COL4A5: variants seen among roughly 807,000 people sequenced by gnomAD.
COL4A5 encodes collagen alpha-5(IV) chain.
Under a neutral mutation model 130.2 loss-of-function variants are expected in COL4A5, and 26 were observed. The observed-to-expected ratio is 0.20, with a 90% CI of 0.15 to 0.28. The LOEUF is 0.28. Among genes scored for constraint, COL4A5 ranks in the 10% least tolerant of loss-of-function variants. The pLI, the probability that COL4A5 is intolerant of heterozygous loss-of-function variation, is 1.00. For missense variants in COL4A5, 1,131 were observed against 1,344.3 expected, an observed-to-expected ratio of 0.84 and a Z score of 2.48; for synonymous variants, 496 against 439.6, an observed-to-expected ratio of 1.13 and a Z score of -1.60.
chrX:108,543,912 C>A (rs1401501331), intron 2 of COL4A5, among the ~76,000 whole-genome samples: 1 of 111,669 alleles, frequency 9.0e-6, no homozygotes, highest in East Asian at 2.8e-4. Flanking sequence ...CTCTGTTTGT[C>A]TGTTACTGGT....
chrX:108,459,502 G>A (rs1603247236), intron 1 of COL4A5, among the ~76,000 whole-genome samples: 1 of 112,163 alleles, frequency 8.9e-6, no homozygotes, highest in African/African-American at 3.2e-5. Context: ...TCAGTTTTTT[G>A]ATATTTATAA....
intron 36 of COL4A5, chrX:108,626,935 A>G: frequency 6.6e-6 from 5 of 754,457 alleles, no homozygotes; most frequent in Non-Finnish European, 6.3e-6. Context: ...GTAACTCCTT[A>G]ATCATGTAGT....
chrX:108,632,090 T>C (rs1322206724), intron 36 of COL4A5, among the ~76,000 whole-genome samples: 1 of 109,867 alleles, frequency 9.1e-6, no homozygotes, highest in Non-Finnish European at 1.9e-5. Flanking sequence ...GCAAGACTAG[T>C]AAAGAAGAAA....
intron 36 of COL4A5, among the ~76,000 whole-genome samples, chrX:108,633,774 G>C (rs893462481): frequency 8.2e-4 from 92 of 111,521 alleles, no homozygotes; most frequent in African/African-American, 2.9e-3. Context: ...TGATATTGTG[G>C]AAATAATGTA....
At chrX:108,660,436 TTCTC>T (rs1282686333) in intron 37 of COL4A5, among the ~76,000 whole-genome samples, 2 of 111,862 alleles carry the variant, frequency 1.8e-5, no homozygotes, top group African/African-American at 6.5e-5. Flanking sequence ...TGGTGACAAA[TTCTC>T]TCACCGTTAA....
At chrX:108,529,953 A>C (rs911940871) in intron 1 of COL4A5, among the ~76,000 whole-genome samples, 3 of 111,566 alleles carry the variant, frequency 2.7e-5, no homozygotes, top group African/African-American at 9.8e-5. Context: ...ATACAATCAA[A>C]GTGGGGGTTT....
In COL4A5 at chrX:108,620,338, C is replaced by T; in HGVS notation, c.2589C>T (p.Gly863=). ...TTCCAGGACCCCCAGGTGAAAGAGG[C>T]AGTCCAGGGATCCCCGGAGCACCTG... ...LDVPGPPGER[G]SPGIPGAPGP... Residue 863 remains glycine (G), a synonymous_variant, in exon 31 of 53, where the codon GGC becomes GGT. Coordinates refer to ENST00000328300, the MANE Select transcript of COL4A5 (RefSeq NM_033380.3). 8.3e-7 allele frequency: 1 copy of T among 1,207,728 alleles called. No homozygotes were observed. Among genetic ancestry groups the T allele is most frequent in the Non-Finnish European group, 1.1e-6 (1 of 892,190 alleles).
At chrX:108,444,883 T>C (rs1254906890) in intron 1 of COL4A5, among the ~76,000 whole-genome samples, 1 of 111,774 alleles carries the variant, frequency 8.9e-6, no homozygotes, top group Non-Finnish European at 1.9e-5. Context: ...GTAGAGGTCT[T>C]ATACAGAGTC....
At chrX:108,602,370 G>C (rs1024721047) in intron 27 of COL4A5, among the ~76,000 whole-genome samples, 2 of 112,130 alleles carry the variant, frequency 1.8e-5, no homozygotes, top group East Asian at 5.6e-4. Context: ...GTGTAGCCAA[G>C]TAATGTTTTA....
chrX:108,646,402 A>G (rs1299726034), intron 36 of COL4A5, among the ~76,000 whole-genome samples: 1 of 111,086 alleles, frequency 9.0e-6, no homozygotes, highest in South Asian at 3.8e-4. Context: ...CTGTTCATAT[A>G]CTTTGCCCAC....
chrX:108,686,761 C>T (rs918747597), intron 48 of COL4A5, among the ~76,000 whole-genome samples: 2 of 112,276 alleles, frequency 1.8e-5, no homozygotes, highest in African/African-American at 6.5e-5. Flanking sequence ...ATGTTAACAA[C>T]TCTAGATTAT....
At chrX:108,640,245 A>T (rs1268245975) in intron 36 of COL4A5, among the ~76,000 whole-genome samples, 1 of 111,924 alleles carries the variant, frequency 8.9e-6, no homozygotes, top group Non-Finnish European at 1.9e-5. Context: ...TACAATATGG[A>T]TTAACTTTGA....
In COL4A5 at chrX:108,694,841, G is replaced by A. The variant is rs151130451; in HGVS notation, c.4741G>A (p.Ala1581Thr). 6.6e-6 allele frequency: 8 copies of A among 1,207,527 alleles called. No homozygotes were observed. Among genetic ancestry groups the A allele is most frequent in the Admixed American group, 2.2e-5 (1 of 45,672 alleles). The change falls in exon 51 of 53, where the codon GCA (alanine) becomes ACA (threonine). Residue 1581 changes from alanine to threonine, a missense_variant. Physicochemically the swap from Ala to Thr is moderately conservative, Grantham distance 58. Transcript: ENST00000328300. Reference protein sequence around the residue: ...AVCEAPAVVIAVHSQTIQIPH... With the variant: ...AVCEAPAVVITVHSQTIQIPH... ...ATGTGAAGCTCCAGCTGTGGTGATC[G>A]CAGTTCACAGTCAGACGATCCAGAT...
At chrX:108,645,523 A>G (rs774213517) in intron 36 of COL4A5, among the ~76,000 whole-genome samples, 1 of 106,930 alleles carries the variant, frequency 9.4e-6, no homozygotes, top group South Asian at 4.1e-4. Context: ...TTTTTTTTTT[A>G]CAATTAGTAT....
chrX:108,580,989 C>G lies in COL4A5; in HGVS notation c.898C>G (p.Pro300Ala). 4 of 1,207,999 alleles carry G rather than the reference C, an allele frequency of 3.3e-6. No homozygotes were observed. The South Asian group carries it at 7.0e-5, about 21-fold the overall frequency. Reference sequence around the variant, plus strand: ...ATTTCTTTGTATCCTATAGGGTAAACCAGGCAAAGATGGAGAAAATGGCCA... The same window carrying G: ...ATTTCTTTGTATCCTATAGGGTAAAGCAGGCAAAGATGGAGAAAATGGCCA... ...EQGEPGKRGK[P>A]GKDGENGQPG... The change falls in exon 16 of 53, where the codon CCA (proline) becomes GCA (alanine). Residue 300 changes from proline to alanine, a missense_variant. Transcript: ENST00000328300.
intron 36 of COL4A5, among the ~76,000 whole-genome samples, chrX:108,651,380 A>G (rs528802255): frequency 8.9e-6 from 1 of 112,171 alleles, no homozygotes; most frequent in African/African-American, 3.2e-5. Context: ...CATTATAGAA[A>G]ATCTACAAAG....
At chrX:108,461,074 C>A (rs2064645553) in intron 1 of COL4A5, among the ~76,000 whole-genome samples, 1 of 111,115 alleles carries the variant, frequency 9.0e-6, no homozygotes, top group African/African-American at 3.3e-5. Flanking sequence ...AAAAAAAAGA[C>A]TAATGTTGTA....
At chrX:108,441,162 C>T (rs914342474) in intron 1 of COL4A5, among the ~76,000 whole-genome samples, 3 of 112,070 alleles carry the variant, frequency 2.7e-5, no homozygotes, top group Non-Finnish European at 5.6e-5. Flanking sequence ...AAATGAATGG[C>T]TTTGTGAGAG....
chrX:108,533,560 A>C (rs1467591963), intron 1 of COL4A5, among the ~76,000 whole-genome samples: 1 of 111,201 alleles, frequency 9.0e-6, no homozygotes, highest in African/African-American at 3.3e-5. Flanking sequence ...TGTAAATATA[A>C]GACCTGAAAA....
Sources: allele counts gnomAD v4.1 joint callset (sites outside exome capture counted in the v4.1 genomes callset), GRCh38; gene constraint gnomAD v4.1.1; transcripts MANE v1.5; gene names NCBI Gene and HGNC (gene_info 2026-07-23, HGNC 2026-07-21).